Variants in NKAIN2 observed in about 807,000 individuals in gnomAD.
NKAIN2 encodes sodium/potassium-transporting ATPase subunit beta-1-interacting protein 2.
Under a neutral mutation model 32.6 loss-of-function variants are expected in NKAIN2, and 14 were observed. The ratio of observed to expected loss-of-function variants is 0.43; its 90% CI spans 0.28 to 0.67. NKAIN2 has a LOEUF of 0.67. Among genes scored for constraint, NKAIN2 ranks in the 30% least tolerant of loss-of-function variants. The pLI is 0.17. For synonymous variants in NKAIN2, 80 were observed against 87.2 expected (o/e 0.92, Z 0.46); for missense variants, 198 against 258.3 (o/e 0.77, Z 1.60).
At chr6:124,560,559 G>A (rs1171211647) in intron 3 of NKAIN2, among the ~76,000 whole-genome samples, 2 of 152,180 alleles carry the variant, frequency 1.3e-5, no homozygotes, top group East Asian at 1.9e-4. Context: ...CCCTAGTAAA[G>A]TTATTTAACT....
chr6:124,620,432 ATTCAATGGCAAGGACTTC>A (rs932815237), intron 3 of NKAIN2, among the ~76,000 whole-genome samples: 3 of 152,204 alleles, frequency 2.0e-5, no homozygotes, highest in Non-Finnish European at 4.4e-5. Context: ...GAACACAGCT[ATTCAATGGCAAGGACTTC>A]TTTTATGACT....
intron 3 of NKAIN2, among the ~76,000 whole-genome samples, chr6:124,360,006 C>G (rs1000231103): frequency 2.0e-5 from 3 of 152,122 alleles, no homozygotes; most frequent in African/African-American, 7.2e-5. Flanking sequence ...TTGTCAAAGG[C>G]CTTTTCTGCA....
At chr6:124,372,707 G>A (rs1481845238) in intron 3 of NKAIN2, among the ~76,000 whole-genome samples, 3 of 152,050 alleles carry the variant, frequency 2.0e-5, no homozygotes, top group Non-Finnish European at 2.9e-5. Context: ...TCAAAATTAG[G>A]TACATCTAAA....
At chr6:124,240,726 G>C (rs1793040282) in intron 1 of NKAIN2, among the ~76,000 whole-genome samples, 1 of 152,070 alleles carries the variant, frequency 6.6e-6, no homozygotes, top group African/African-American at 2.4e-5. Flanking sequence ...CAATAAACTA[G>C]GTATTGATGG....
At chr6:124,759,120 G>C (rs2114729284) in intron 4 of NKAIN2, among the ~76,000 whole-genome samples, 1 of 152,268 alleles carries the variant, frequency 6.6e-6, no homozygotes, top group East Asian at 1.9e-4. Context: ...GCCCGAGAGA[G>C]TAAGCACTGC....
At chr6:124,196,624 C>CAA (rs1790326868) in intron 1 of NKAIN2, among the ~76,000 whole-genome samples, 1 of 152,054 alleles carries the variant, frequency 6.6e-6, no homozygotes, top group Admixed American at 6.6e-5. Flanking sequence ...CACTAACACT[C>CAA]TTACACATTC....
At chr6:124,219,841 G>T (rs1402676113) in intron 1 of NKAIN2, among the ~76,000 whole-genome samples, 2 of 151,930 alleles carry the variant, frequency 1.3e-5, no homozygotes, top group African/African-American at 4.8e-5. Context: ...TAAATGGAAG[G>T]ATAAGAGATA....
At chr6:124,670,657 G>GTGTGTGTGTA (rs1773055583) in intron 4 of NKAIN2, among the ~76,000 whole-genome samples, 1 of 151,406 alleles carries the variant, frequency 6.6e-6, no homozygotes, top group African/African-American at 2.4e-5. Flanking sequence ...GTGTGTGTGT[G>GTGTGTGTGTA]TGTGTGTGTG....
chr6:124,768,931 C>T (rs1429647562), intron 4 of NKAIN2, among the ~76,000 whole-genome samples: 1 of 152,132 alleles, frequency 6.6e-6, no homozygotes, highest in Non-Finnish European at 1.5e-5. Flanking sequence ...TGGGTCACCA[C>T]AATCATTGGA....
chr6:124,241,175 C>A (rs1179298959), intron 1 of NKAIN2, among the ~76,000 whole-genome samples: 1 of 152,088 alleles, frequency 6.6e-6, no homozygotes, highest in African/African-American at 2.4e-5. Flanking sequence ...CCTAGAAATA[C>A]AACTTACAAG....
At chr6:123,902,443 G>C (rs188424855) in intron 1 of NKAIN2, among the ~76,000 whole-genome samples, 6 of 152,234 alleles carry the variant, frequency 3.9e-5, no homozygotes, top group Admixed American at 3.9e-4. Context: ...TGGTGGTACA[G>C]CTACTTCAGT....
intron 3 of NKAIN2, among the ~76,000 whole-genome samples, chr6:124,571,161 A>T (rs996961900): frequency 6.6e-6 from 1 of 152,174 alleles, no homozygotes; most frequent in African/African-American, 2.4e-5. Flanking sequence ...CATTGTATCT[A>T]GGAAGTAACT....
At chr6:124,056,995 T>C (rs1782684105) in intron 1 of NKAIN2, among the ~76,000 whole-genome samples, 1 of 152,026 alleles carries the variant, frequency 6.6e-6, no homozygotes, top group Non-Finnish European at 1.5e-5. Flanking sequence ...AACAATAAAC[T>C]CTATACCTTC....
intron 1 of NKAIN2, among the ~76,000 whole-genome samples, chr6:124,279,822 G>A (rs1054524789): frequency 2.6e-5 from 4 of 151,346 alleles, no homozygotes; most frequent in Admixed American, 6.6e-5. Context: ...TTGTATAAAA[G>A]AAAAAAAATA....
At chr6:124,028,018 A>T (rs1209887201) in intron 1 of NKAIN2, among the ~76,000 whole-genome samples, 2 of 152,112 alleles carry the variant, frequency 1.3e-5, no homozygotes. Flanking sequence ...TGGGTCTAAC[A>T]CTATAATGAT....
chr6:124,585,918 A>G (rs937360179), intron 3 of NKAIN2, among the ~76,000 whole-genome samples: 3 of 152,206 alleles, frequency 2.0e-5, no homozygotes, highest in African/African-American at 7.2e-5. Flanking sequence ...AATTATTTAA[A>G]AGATCTTTGC....
rs75673251 is a variant in NKAIN2 at position 124,565,505 on chromosome 6, T to C, written c.274-92681T>C. On this transcript the variant is annotated intron_variant, in intron 3 of 6. Transcript: ENST00000368417. ...TCTAAATAGCTATTTTATCTCAATA[T>C]GGGGTTAAGACCAGTTTTCCCTGGA... Among the ~76,000 whole-genome samples the C allele has an allele frequency of 9.0e-3, 1,377 of 152,332 alleles. 22 individuals carry two copies. The highest frequency in any genetic ancestry group is 0.032 in the African/African-American group (1,326 of 41,568).
chr6:123,982,018 C>T (rs901289370), intron 1 of NKAIN2, among the ~76,000 whole-genome samples: 1 of 152,126 alleles, frequency 6.6e-6, no homozygotes, highest in African/African-American at 2.4e-5. Flanking sequence ...TTTTTATAAG[C>T]TTGAAACATT....
rs191071172 is a variant in NKAIN2 at position 123,844,930 on chromosome 6, C to G, written c.54+40676C>G. On this transcript the variant is annotated intron_variant, in intron 1 of 6. Coordinates refer to ENST00000368417, the MANE Select transcript of NKAIN2 (RefSeq NM_001040214.3). ...TATGGCTAAATCTCAACAAGTAAAG[C>G]CAAACAAAATTACTTAGTTTGAGTG... Among the ~76,000 whole-genome samples the G allele has an allele frequency of 9.9e-5, 15 of 152,114 alleles. No homozygotes were observed. In the East Asian group the frequency reaches 2.3e-3, roughly 24 times the overall value.
Sources: allele counts gnomAD v4.1 joint callset (sites outside exome capture counted in the v4.1 genomes callset), GRCh38; gene constraint gnomAD v4.1.1; transcripts MANE v1.5; gene names NCBI Gene and HGNC (gene_info 2026-07-23, HGNC 2026-07-21).